Variants in PDZD2 observed in about 807,000 individuals in gnomAD.
The protein encoded by PDZD2 is PDZ domain-containing protein 2.
A neutral mutation model predicts 220.7 loss-of-function variants in PDZD2; 90 were observed. That is an observed-to-expected ratio of 0.41 (90% CI 0.34 to 0.49). The LOEUF is 0.49. Among genes scored for constraint, PDZD2 ranks in the 20% least tolerant of loss-of-function variants. The pLI is 0.28. For missense variants in PDZD2, 3,174 were observed against 3,608.5 expected (o/e 0.88, Z 3.08); for synonymous variants, 1,375 against 1,450.5 (o/e 0.95, Z 1.18).
At chr5:32,056,710 T>G (rs1315407741) in intron 10 of PDZD2, among the ~76,000 whole-genome samples, 2 of 152,126 alleles carry the variant, frequency 1.3e-5, no homozygotes, top group African/African-American at 4.8e-5. Flanking sequence ...CCTGGCAAAT[T>G]AACATGACCC....
At chr5:31,988,695 TC>T (rs1750924607) in intron 3 of PDZD2, among the ~76,000 whole-genome samples, 1 of 151,410 alleles carries the variant, frequency 6.6e-6, no homozygotes, top group Non-Finnish European at 1.5e-5. Context: ...CTGGAAGCTA[TC>T]CCTGATATCC....
rs2111790993 is a variant in PDZD2 at position 32,109,812 on chromosome 5, C to CTGAA, written c.*1681_*1684dup. ...ATCAGCTTTGTACATCATCATTTTT[C>CTGAA]TGAATGACCAATCCCACTAAACATC... On this transcript the variant is annotated 3_prime_UTR_variant, in exon 25 of 25. Transcript: ENST00000438447. 1 of 152,616 alleles carries CTGAA rather than the reference C, an allele frequency of 6.6e-6. No homozygotes were observed. The highest frequency in any genetic ancestry group is 3.2e-3 in the Middle Eastern group (1 of 316). 9.5% of individuals were successfully genotyped at this position (152,616 alleles called of 1,614,324 possible).
At chr5:32,025,557 A>AC (rs1315307332) in intron 6 of PDZD2, among the ~76,000 whole-genome samples, 2 of 128,436 alleles carry the variant, frequency 1.6e-5, no homozygotes, top group African/African-American at 6.4e-5. Context: ...AAACAAACAA[A>AC]AAACAACTAG....
At chr5:31,990,604 G>A (rs1009391256) in intron 3 of PDZD2, among the ~76,000 whole-genome samples, 6 of 152,128 alleles carry the variant, frequency 3.9e-5, no homozygotes, top group African/African-American at 1.2e-4. Flanking sequence ...AACCTCAGTC[G>A]CAAGGACCAT....
At chr5:31,801,993 A>C (rs1386556095) in intron 2 of PDZD2, among the ~76,000 whole-genome samples, 1 of 152,136 alleles carries the variant, frequency 6.6e-6, no homozygotes, top group Non-Finnish European at 1.5e-5. Flanking sequence ...TGACAGGATG[A>C]TGCCCAGTTT....
Position 32,108,196 on chromosome 5 carries a change from T to C in PDZD2, c.*61T>C. The C allele has an allele frequency of 8.3e-7, 1 of 1,202,390 alleles. No homozygotes were observed. 74.5% of individuals were successfully genotyped at this position (1,202,390 alleles called of 1,614,324 possible). The stretch of plus-strand genomic sequence containing the variant: ...TCTTTAGCAAATCAGAGTGACTTCT[T>C]TAAACCACAGGTTGTTGAAATGGCC... On this transcript the variant is annotated 3_prime_UTR_variant, in exon 25 of 25. Coordinates refer to ENST00000438447, the MANE Select transcript of PDZD2 (RefSeq NM_178140.4).
intron 2 of PDZD2, among the ~76,000 whole-genome samples, chr5:31,862,475 C>T (rs1429462765): frequency 6.6e-6 from 1 of 152,012 alleles, no homozygotes; most frequent in African/African-American, 2.4e-5. Flanking sequence ...CACCTATATC[C>T]CCAGGACTGG....
chr5:31,942,473 A>G (rs1351000663), intron 2 of PDZD2, among the ~76,000 whole-genome samples: 1 of 152,154 alleles, frequency 6.6e-6, no homozygotes, highest in East Asian at 1.9e-4. Context: ...TTTTTGAGCA[A>G]AACTTTTTTT....
intron 1 of PDZD2, among the ~76,000 whole-genome samples, chr5:31,714,280 A>T (rs867796986): frequency 6.6e-6 from 1 of 152,154 alleles, no homozygotes; most frequent in Non-Finnish European, 1.5e-5. Context: ...GCTGGTTCTG[A>T]TTGAGGTTGT....
At chr5:31,722,057 C>A (rs888815641) in intron 1 of PDZD2, among the ~76,000 whole-genome samples, 1 of 152,156 alleles carries the variant, frequency 6.6e-6, no homozygotes, top group African/African-American at 2.4e-5. Flanking sequence ...TTCTTCTCCC[C>A]AGGTGCACTG....
Position 32,033,263 on chromosome 5 carries a change from CTT to C in PDZD2, c.1408-3967_1408-3966del, listed in dbSNP as rs1406938599. On this transcript the variant is annotated intron_variant, in intron 6 of 24. Transcript: ENST00000438447. ...AAACCACACACAGAAAAGGGACTCT[CTT>C]AGAGTGTGGACATTTTCAGACAATA... 2.0e-5 allele frequency among the ~76,000 whole-genome samples: 3 copies of C among 152,334 alleles called. No homozygotes were observed. In the East Asian group the frequency reaches 5.8e-4, roughly 29 times the overall value.
At chr5:31,808,379 A>C (rs1580797435) in intron 2 of PDZD2, among the ~76,000 whole-genome samples, 10 of 152,020 alleles carry the variant, frequency 6.6e-5, no homozygotes, top group Admixed American at 6.5e-4. Context: ...TATGTGGAAA[A>C]CCTGCCATGT....
chr5:32,059,190 T>C (rs199967463), intron 12 of PDZD2, 49 bp from the exon 13 acceptor site: 2 of 950,590 alleles, frequency 2.1e-6, no homozygotes, highest in East Asian at 2.4e-5. Flanking sequence ...TTTTTTCTAG[T>C]GATTGTGTAA....
chr5:31,868,285 A>C, intron 2 of PDZD2, among the ~76,000 whole-genome samples: 1 of 152,072 alleles, frequency 6.6e-6, no homozygotes, highest in East Asian at 1.9e-4. Flanking sequence ...TCTCTACTAA[A>C]ACTACAAAAA....
At chr5:31,910,217 A>ATTTTTTTT (rs70957978) in intron 2 of PDZD2, among the ~76,000 whole-genome samples, 45 of 106,810 alleles carry the variant, frequency 4.2e-4, no homozygotes, top group African/African-American at 1.3e-3. Flanking sequence ...GAGTTCCTGC[A>ATTTTTTTT]TTTTTTTTTT....
intron 2 of PDZD2, among the ~76,000 whole-genome samples, chr5:31,949,097 C>CAAAAAAA (rs34780210): frequency 1.8e-5 from 1 of 54,986 alleles, no homozygotes; most frequent in Non-Finnish European, 3.2e-5. Context: ...GACTCTGTCT[C>CAAAAAAA]AAAAAAAAAA....
At position 32,101,122 on chromosome 5, in the gene PDZD2, C is replaced by T. The variant is rs1299168428; in HGVS notation, c.8236C>T (p.His2746Tyr). The T allele has an allele frequency of 6.2e-7, 1 of 1,614,094 alleles. No homozygotes were observed. Among genetic ancestry groups the T allele is most frequent in the African/African-American group, 1.3e-5 (1 of 75,028 alleles). Residue 2746 changes from histidine (H) to tyrosine (Y), a missense_variant, in exon 24 of 25, where the codon CAC (histidine) becomes TAC (tyrosine). This residue lies in a region of PDZD2 where 631 missense variants were observed against 789.9 expected (regional missense o/e 0.80). Transcript: ENST00000438447. ...GGCTGCAGGGAGAAGTGTGGCTGTA[C>T]ACGATGCTCTGTGTGTTGAAGTGCT... ...EPGIGRSVAV[H>Y]DALCVEVLKT...
intron 7 of PDZD2, among the ~76,000 whole-genome samples, chr5:32,037,619 G>C (rs1460924842): frequency 6.6e-6 from 1 of 152,032 alleles, no homozygotes; most frequent in African/African-American, 2.4e-5. Context: ...CGTTTACTTC[G>C]ATCAGATTTC....
intron 2 of PDZD2, among the ~76,000 whole-genome samples, chr5:31,833,197 G>C (rs1158572134): frequency 6.6e-6 from 1 of 152,132 alleles, no homozygotes; most frequent in Non-Finnish European, 1.5e-5. Flanking sequence ...GGCTGGGCCT[G>C]GTGACTCATG....
Sources: allele counts gnomAD v4.1 joint callset (sites outside exome capture counted in the v4.1 genomes callset), GRCh38; gene constraint gnomAD v4.1.1; regional missense constraint gnomAD v4.1.1; transcripts MANE v1.5; gene names NCBI Gene and HGNC (gene_info 2026-07-23, HGNC 2026-07-21).